TCF7L2: variants seen among roughly 807,000 people sequenced by gnomAD.
TCF7L2 encodes the protein transcription factor 7-like 2.
A neutral mutation model predicts 77.9 loss-of-function variants in TCF7L2; 23 were observed. The observed-to-expected ratio is 0.30, with a 90% CI of 0.21 to 0.42. TCF7L2 has a LOEUF of 0.42. Ranked by LOEUF, TCF7L2 falls within the 10% of genes least tolerant of loss-of-function variation. The probability of loss-of-function intolerance (pLI) is 1.00; values close to 1 mark genes in which losing one functional copy is unlikely to be tolerated. For missense variants in TCF7L2, 654 were observed against 793.1 expected, an observed-to-expected ratio of 0.82 and a Z score of 2.11; for synonymous variants, 413 against 340.2, an observed-to-expected ratio of 1.21 and a Z score of -2.36.
chr10:113,037,991 A>G (rs1321189115), intron 4 of TCF7L2, among the ~76,000 whole-genome samples: 1 of 152,140 alleles, frequency 6.6e-6, no homozygotes, highest in Non-Finnish European at 1.5e-5. Context: ...TTGGGATGAG[A>G]TGGGGCAGTT....
At chr10:113,149,265 GA>G (rs1359951465) in intron 8 of TCF7L2, among the ~76,000 whole-genome samples, 2 of 152,208 alleles carry the variant, frequency 1.3e-5, no homozygotes, top group Non-Finnish European at 2.9e-5. Flanking sequence ...AGAGGAAGGG[GA>G]TGAAGATGAA....
Position 113,166,990 on chromosome 10 carries a change from T to A in TCF7L2, c.*1018T>A, listed in dbSNP as rs1222846442. 1 of 231,326 alleles carries A rather than the reference T, an allele frequency of 4.3e-6. No homozygotes were observed. The highest frequency in any genetic ancestry group is 8.6e-6 in the Non-Finnish European group (1 of 116,926). 14.3% of individuals were successfully genotyped at this position (231,326 alleles called of 1,614,324 possible). ...TGTCTGAGCAGCAGTGGGAACCATCTTCGTTTCCCCTTTGAACTCCCAGTG... is the reference window on the plus strand; with the variant it reads ...TGTCTGAGCAGCAGTGGGAACCATCATCGTTTCCCCTTTGAACTCCCAGTG... On this transcript the variant is annotated 3_prime_UTR_variant, in exon 14 of 14. Transcript: ENST00000627217.
intron 5 of TCF7L2, among the ~76,000 whole-genome samples, chr10:113,059,150 T>G (rs1326468299): frequency 6.6e-6 from 1 of 152,164 alleles, no homozygotes; most frequent in Non-Finnish European, 1.5e-5. Context: ...TGATGTACAC[T>G]TTTTGTTTTT....
intron 5 of TCF7L2, among the ~76,000 whole-genome samples, chr10:113,045,560 T>A (rs2053293846): frequency 6.6e-6 from 1 of 151,976 alleles, no homozygotes; most frequent in Non-Finnish European, 1.5e-5. Context: ...CTGGCTTTGC[T>A]GGAGAGTGGG....
At chr10:113,160,055 C>A in intron 12 of TCF7L2, 63 bp downstream of exon 14, 1 of 1,447,080 alleles carries the variant, frequency 6.9e-7, no homozygotes, top group Admixed American at 1.7e-5. Context: ...TCCTCTCCCC[C>A]TTCTCTGGCC....
rs752945737 is a variant in TCF7L2, at chr10:112,951,264, T to C, written c.247T>C (p.Leu83=). 61 of 1,556,326 alleles carry C rather than the reference T, an allele frequency of 3.9e-5. No individual in the cohort carries two copies. The highest frequency in any genetic ancestry group is 3.4e-4 in the Admixed American group (18 of 53,340). The change falls in exon 2 of 14, where the codon TTG becomes CTG. Residue 83 remains leucine (L), a synonymous_variant. Transcript: ENST00000627217. ...TTTCCGAGACAAATCCCGGGAAAGT[T>C]TGGAAGAAGGTGAGTACGCCCCGCG...
At chr10:113,158,432 A>G (rs1214803460) in intron 12 of TCF7L2, among the ~76,000 whole-genome samples, 1 of 151,962 alleles carries the variant, frequency 6.6e-6, no homozygotes, top group Non-Finnish European at 1.5e-5. Flanking sequence ...TTAGGGGAGT[A>G]GGAGGGGGTG....
intron 5 of TCF7L2, among the ~76,000 whole-genome samples, chr10:113,099,079 GT>G (rs2061357929): frequency 6.6e-6 from 1 of 152,162 alleles, no homozygotes; most frequent in Non-Finnish European, 1.5e-5. Context: ...GCAAGTCTTG[GT>G]TGGATTTTCT....
intron 5 of TCF7L2, among the ~76,000 whole-genome samples, chr10:113,056,995 C>G (rs904432768): frequency 7.9e-5 from 12 of 152,316 alleles, no homozygotes; most frequent in African/African-American, 2.6e-4. Context: ...GCTATCTGCT[C>G]TGTGTATGTC....
At chr10:113,135,651 C>T (rs1296865245) in intron 5 of TCF7L2, among the ~76,000 whole-genome samples, 2 of 152,138 alleles carry the variant, frequency 1.3e-5, no homozygotes, top group South Asian at 2.1e-4. Flanking sequence ...CCTGCTGGGC[C>T]GAGATACTGC....
rs949626417 is a variant in TCF7L2, at chr10:113,073,707, C to A, written c.552+33581C>A. On this transcript the variant is annotated intron_variant, in intron 5 of 13. Coordinates refer to ENST00000627217, the MANE Select transcript of TCF7L2 (RefSeq NM_001146274.2). ...CCCGTCTTTAAGAAAAAAAAAAAAA[C>A]AAAGGTCACAAGACATTCTTGGCTC... 4.0e-3 allele frequency among the ~76,000 whole-genome samples: 603 copies of A among 149,672 alleles called. 3 individuals are homozygous for A. Among genetic ancestry groups the A allele is most frequent in the African/African-American group, 0.014 (585 of 40,612 alleles).
Position 112,950,403 on chromosome 10 carries a change from TC to T in TCF7L2, c.-345del, listed in dbSNP as rs113102683. 87,055 of 194,756 alleles carry T rather than the reference TC, an allele frequency of 0.45. 22,726 individuals are homozygous for T. The highest frequency in any genetic ancestry group is 0.53 in the African/African-American group (20,655 of 38,790). The allele number at this position is 194,756 out of a possible 1,614,324, so 12.1% of individuals were successfully genotyped here. On this transcript the variant is annotated 5_prime_UTR_variant, in exon 1 of 14. Transcript: ENST00000627217. ...ACGAGCACCTCCTGTATCTTCGGCT[TC>T]CCCCCCCCTTTGCTCTTTATATCTG...
rs149031135 is a variant in TCF7L2, at chr10:113,165,648, C to G, written c.1485C>G (p.Pro495=). ...GAAGCTTACTAGATTCGCCTCCCCC[C>G]TCCCCGAACCTGCTAGGCTCCCCTC... Residue 495 remains proline (P), a synonymous_variant, in exon 14 of 14, where the codon CCC becomes CCG. Coordinates refer to ENST00000627217, the MANE Select transcript of TCF7L2 (RefSeq NM_001146274.2). 6.1e-3 allele frequency: 9,828 copies of G among 1,612,266 alleles called. 36 individuals carry two copies. Among genetic ancestry groups the G allele is most frequent in the Non-Finnish European group, 7.3e-3 (8,647 of 1,179,098 alleles).
At chr10:112,988,908 C>T (rs1018284677) in intron 4 of TCF7L2, among the ~76,000 whole-genome samples, 3 of 152,122 alleles carry the variant, frequency 2.0e-5, no homozygotes, top group Admixed American at 6.5e-5. Context: ...ACATCATCCC[C>T]GTTATACAGA....
chr10:112,975,979 T>A (rs1452290051), intron 4 of TCF7L2, among the ~76,000 whole-genome samples: 1 of 152,246 alleles, frequency 6.6e-6, no homozygotes, highest in African/African-American at 2.4e-5. Context: ...TTATACTATA[T>A]TACCTTTGCA....
intron 5 of TCF7L2, among the ~76,000 whole-genome samples, chr10:113,136,890 G>A (rs1210616986): frequency 6.6e-6 from 1 of 152,178 alleles, no homozygotes; most frequent in African/African-American, 2.4e-5. Context: ...AGAAGTGGGA[G>A]GTGTTCAAAG....
intron 5 of TCF7L2, among the ~76,000 whole-genome samples, chr10:113,067,163 C>T (rs1406543182): frequency 1.3e-5 from 2 of 152,166 alleles, no homozygotes; most frequent in Non-Finnish European, 2.9e-5. Context: ...TGGTTATTAA[C>T]ATATTATGTG....
intron 4 of TCF7L2, among the ~76,000 whole-genome samples, chr10:112,995,786 T>C (rs2043360161): frequency 6.6e-6 from 1 of 152,150 alleles, no homozygotes; most frequent in African/African-American, 2.4e-5. Flanking sequence ...AGAGTCGTGA[T>C]CATGCCCTGG....
At chr10:113,103,440 C>G (rs954160359) in intron 5 of TCF7L2, among the ~76,000 whole-genome samples, 1 of 151,790 alleles carries the variant, frequency 6.6e-6, no homozygotes, top group Non-Finnish European at 1.5e-5. Context: ...TTACCACCCA[C>G]AGTAAAAAAT....
Sources: allele counts gnomAD v4.1 joint callset (sites outside exome capture counted in the v4.1 genomes callset), GRCh38; gene constraint gnomAD v4.1.1; transcripts MANE v1.5; gene names NCBI Gene and HGNC (gene_info 2026-07-23, HGNC 2026-07-21).